CD163L1: variants seen among roughly 807,000 people sequenced by gnomAD.
CD163L1 encodes CD163 molecule like 1.
In CD163L1, 124 loss-of-function variants were observed where a neutral mutation model predicts 165.4. The observed-to-expected ratio is 0.75, with a 90% CI of 0.65 to 0.87. CD163L1 has a LOEUF of 0.87. CD163L1 is among the 40% of genes least tolerant of loss of function. The probability of loss-of-function intolerance (pLI) is 0.00; values close to 1 mark genes in which losing one functional copy is unlikely to be tolerated. For missense variants in CD163L1, 1,525 were observed against 1,799.9 expected (o/e 0.85, Z 2.76); for synonymous variants, 585 against 662.2 (o/e 0.88, Z 1.79).
downstream of CD163L1, among the ~76,000 whole-genome samples, chr12:7,344,573 T>C (rs1946657049): frequency 6.6e-6 from 1 of 152,172 alleles, no homozygotes; most frequent in Non-Finnish European, 1.5e-5. Context: ...ATAGCCCCCT[T>C]CCCACAACTG....
In CD163L1 at chr12:7,439,213, C is replaced by T. The variant is rs146239194; in HGVS notation, c.124+1941G>A. The T allele has an allele frequency of 1.3e-3, 1,980 of 1,580,488 alleles. 41 individuals are homozygous for T. In the East Asian group the frequency reaches 0.039, roughly 31 times the overall value. Reference sequence around the variant, plus strand: ...TAAGTACACTTGATTCAGATTCCACCTGGGATTCGACAAATTTTCTTTTTT... The same window carrying T: ...TAAGTACACTTGATTCAGATTCCACTTGGGATTCGACAAATTTTCTTTTTT... On this transcript the variant is annotated intron_variant, in intron 2 of 19. Coordinates refer to ENST00000313599, the MANE Select transcript of CD163L1 (RefSeq NM_174941.6).
Position 7,438,113 on chromosome 12 carries a change from G to A in CD163L1, c.124+3041C>T, listed in dbSNP as rs921694642. 1.9e-4 allele frequency among the ~76,000 whole-genome samples: 29 copies of A among 151,910 alleles called. 1 individual carries two copies. The highest frequency in any genetic ancestry group is 2.9e-5 in the Non-Finnish European group (2 of 67,998). ...TCTTCTCCACTGCATTTTCTAAGTT[G>A]TTCTATTTTGCTGTAGCACTAATGA... is the stretch of plus-strand genomic sequence containing the variant. On this transcript the variant is annotated intron_variant, in intron 2 of 19. Transcript: ENST00000313599.
chr12:7,349,248 T>C (rs1255918147), intron 4 of CD163L1, among the ~76,000 whole-genome samples: 2 of 152,224 alleles, frequency 1.3e-5, no homozygotes, highest in African/African-American at 4.8e-5. Flanking sequence ...TTAAATTATA[T>C]CCTAGGTTGT....
intron 7 of CD163L1, among the ~76,000 whole-genome samples, 153 bp from the exon 8 acceptor site, chr12:7,396,568 T>G (rs1242429004): frequency 2.6e-5 from 4 of 152,218 alleles, no homozygotes; most frequent in Non-Finnish European, 5.9e-5. Context: ...ACCTTTAAAT[T>G]AGCAGACTTT....
intron 4 of CD163L1, among the ~76,000 whole-genome samples, chr12:7,416,266 G>C (rs1228561724): frequency 6.6e-6 from 1 of 151,900 alleles, no homozygotes; most frequent in Non-Finnish European, 1.5e-5. Context: ...ACTTTTTGAT[G>C]GGCTGGTTTG....
rs1203981601 is a variant in CD163L1 at position 7,375,791 on chromosome 12, T to C, written c.2595A>G (p.Glu865=). ...ATAATGCAAGGTGAGTTTCACTCCC[T>C]TCACACTGGAACTTTTCGGCCCAAG... ...GLTWAEKFQC[E]GSETHLALCP... Residue 865 remains glutamate (E), a synonymous_variant, in exon 10 of 20, where the codon GAA becomes GAG. Transcript: ENST00000313599. 6.2e-7 allele frequency: 1 copy of C among 1,614,114 alleles called. No homozygotes were observed. Among genetic ancestry groups the C allele is most frequent in the Non-Finnish European group, 8.5e-7 (1 of 1,180,050 alleles).
intron 4 of CD163L1, among the ~76,000 whole-genome samples, chr12:7,421,688 T>C (rs975585658): frequency 7.0e-6 from 1 of 143,092 alleles, no homozygotes; most frequent in East Asian, 2.0e-4. Flanking sequence ...TATGTACATA[T>C]ACATATATGT....
intron 4 of CD163L1, among the ~76,000 whole-genome samples, chr12:7,421,056 CGTATATAT>C (rs1411125488): frequency 1.4e-5 from 1 of 73,112 alleles, no homozygotes; most frequent in South Asian, 4.6e-4. Flanking sequence ...TATGTATATA[CGTATATAT>C]GTATATATAC....
At chr12:7,373,265 G>C in intron 14 of CD163L1, 55 bp downstream of exon 14, 2 of 1,445,600 alleles carry the variant, frequency 1.4e-6, no homozygotes, top group Non-Finnish European at 1.9e-6. Flanking sequence ...GCTATTTATG[G>C]TAAGTTATAT....
chr12:7,318,923 C>T, the CD163L1 span, among the ~76,000 whole-genome samples: 1 of 152,130 alleles, frequency 6.6e-6, no homozygotes, highest in Admixed American at 6.5e-5. Context: ...TTTTTGGTAC[C>T]AGGGACTGGA....
chr12:7,437,239 T>TTTAAATAGTATTTAAATAAATA (rs1948736739), intron 2 of CD163L1, among the ~76,000 whole-genome samples: 1 of 94,806 alleles, frequency 1.1e-5, no homozygotes, highest in Non-Finnish European at 2.1e-5. Flanking sequence ...AGTATTTACT[T>TTTAAATAGTATTTAAATAAATA]TTAAATAGTA....
chr12:7,404,851 T>C (rs1947986173), intron 5 of CD163L1, among the ~76,000 whole-genome samples: 1 of 152,190 alleles, frequency 6.6e-6, no homozygotes, highest in Non-Finnish European at 1.5e-5. Context: ...CACTATTTTA[T>C]TTAATGCTGT....
the CD163L1 span, chr12:7,323,167 C>T: frequency 7.1e-7 from 1 of 1,406,452 alleles, no homozygotes; most frequent in Non-Finnish European, 9.7e-7. Flanking sequence ...TCTTAATTTT[C>T]ATTGCCATGA....
intron 18 of CD163L1, among the ~76,000 whole-genome samples, chr12:7,362,347 T>C (rs1946914281): frequency 7.2e-6 from 1 of 138,236 alleles, no homozygotes; most frequent in South Asian, 2.2e-4. Context: ...TGAAATATAT[T>C]ATAATATAAA....
At chr12:7,384,201 A>G (rs1425436876) in intron 8 of CD163L1, among the ~76,000 whole-genome samples, 2 of 152,052 alleles carry the variant, frequency 1.3e-5, no homozygotes, top group African/African-American at 4.8e-5. Flanking sequence ...AGAAGAAAGA[A>G]CTGCAGAACT....
At chr12:7,381,619 A>G (rs186247936) in intron 8 of CD163L1, among the ~76,000 whole-genome samples, 331 of 152,282 alleles carry the variant, frequency 2.2e-3, no homozygotes, top group Middle Eastern at 0.02. Context: ...CAACTTTACC[A>G]TAAAAGTAAA....
intron 18 of CD163L1, among the ~76,000 whole-genome samples, chr12:7,361,623 T>C (rs1946893758): frequency 6.6e-6 from 1 of 152,178 alleles, no homozygotes; most frequent in African/African-American, 2.4e-5. Flanking sequence ...TCCCTGGATT[T>C]CCCTTCCCCT....
At chr12:7,382,924 A>G (rs1334446294) in intron 8 of CD163L1, among the ~76,000 whole-genome samples, 2 of 152,184 alleles carry the variant, frequency 1.3e-5, no homozygotes, top group Non-Finnish European at 2.9e-5. Context: ...TATTCCACAC[A>G]GTGTCTGATG....
chr12:7,342,624 T>C (rs1591857349), downstream of CD163L1, among the ~76,000 whole-genome samples: 1 of 152,254 alleles, frequency 6.6e-6, no homozygotes, highest in Non-Finnish European at 1.5e-5. Context: ...AAATGTTCTA[T>C]ACAGGTTGCA....
Sources: allele counts gnomAD v4.1 joint callset (sites outside exome capture counted in the v4.1 genomes callset), GRCh38; gene constraint gnomAD v4.1.1; transcripts MANE v1.5; gene names NCBI Gene and HGNC (gene_info 2026-07-23, HGNC 2026-07-21).